Variants in ANK3 observed in about 807,000 individuals in gnomAD.
The protein encoded by ANK3 is ankyrin 3.
A neutral mutation model predicts 370.9 loss-of-function variants in ANK3; 57 were observed. The observed-to-expected ratio is 0.15, with a 90% CI of 0.12 to 0.19. The LOEUF is 0.19. ANK3 is among the 10% of genes least tolerant of loss of function. ANK3 has a pLI of 1.00. For missense variants in ANK3, 4,439 were observed against 5,302.1 expected (o/e 0.84, Z 5.06); for synonymous variants, 1,929 against 1,946.3 (o/e 0.99, Z 0.23).
chr10:60,527,545 T>C (rs1003845169), intron 2 of ANK3, among the ~76,000 whole-genome samples: 34 of 152,158 alleles, frequency 2.2e-4, no homozygotes, highest in Non-Finnish European at 1.5e-5. Flanking sequence ...CAGATTTTTT[T>C]CTGAAAGTAT....
chr10:60,090,217 C>A (rs1239391339), intron 28 of ANK3, among the ~76,000 whole-genome samples: 1 of 151,882 alleles, frequency 6.6e-6, no homozygotes, highest in African/African-American at 2.4e-5. Context: ...ACTTGGGGTG[C>A]TGAGACAGGA....
At chr10:60,057,076 C>G (rs2079330645) in intron 41 of ANK3, among the ~76,000 whole-genome samples, 1 of 152,124 alleles carries the variant, frequency 6.6e-6, no homozygotes. Flanking sequence ...CCCCAAATTC[C>G]AATTCTTTGT....
intron 18 of ANK3, among the ~76,000 whole-genome samples, chr10:60,173,442 A>C (rs1050354680): frequency 3.3e-5 from 5 of 152,194 alleles, no homozygotes; most frequent in African/African-American, 1.2e-4. Flanking sequence ...TGTTCTTAGA[A>C]CTTTTCAAGA....
At chr10:60,501,705 CAAA>C (rs376934079) in intron 2 of ANK3, among the ~76,000 whole-genome samples, 3 of 79,784 alleles carry the variant, frequency 3.8e-5, no homozygotes, top group Admixed American at 1.3e-4. Context: ...GACTCTGTCT[CAAA>C]AAAAAAAAAA....
chr10:60,190,245 C>G (rs1373771321), intron 16 of ANK3, among the ~76,000 whole-genome samples: 1 of 152,152 alleles, frequency 6.6e-6, no homozygotes, highest in East Asian at 1.9e-4. Flanking sequence ...AGGATGTGAT[C>G]TGATGATGAG....
chr10:60,542,079 C>T (rs527493819), intron 2 of ANK3, among the ~76,000 whole-genome samples: 1 of 152,038 alleles, frequency 6.6e-6, no homozygotes, highest in Non-Finnish European at 1.5e-5. Flanking sequence ...CACGTCCCCT[C>T]ATACTAGTGA....
At chr10:60,567,517 A>C (rs955942672) in intron 2 of ANK3, among the ~76,000 whole-genome samples, 6 of 152,184 alleles carry the variant, frequency 3.9e-5, no homozygotes, top group Non-Finnish European at 7.3e-5. Flanking sequence ...TGATCACCCA[A>C]GATCTCTGAT....
chr10:60,546,251 G>T (rs1371251796), intron 2 of ANK3, among the ~76,000 whole-genome samples: 1 of 152,086 alleles, frequency 6.6e-6, no homozygotes, highest in Non-Finnish European at 1.5e-5. Context: ...GCCCAGATTG[G>T]TCTCGAACTC....
At chr10:60,302,843 C>CAA (rs200380186) in intron 1 of ANK3, among the ~76,000 whole-genome samples, 2 of 107,528 alleles carry the variant, frequency 1.9e-5, no homozygotes, top group East Asian at 2.0e-4. Flanking sequence ...AAACAAACAA[C>CAA]AAAAAAAAAA....
At chr10:60,141,110 G>A in intron 23 of ANK3, 1 of 794,932 alleles carries the variant, frequency 1.3e-6, no homozygotes, top group Non-Finnish European at 1.5e-6. Context: ...TTGAGGTTGT[G>A]AAACTGGGGC....
At position 60,075,183 on chromosome 10, in the gene ANK3, C is replaced by G; in HGVS notation, c.5698G>C (p.Glu1900Gln). 1 of 1,614,116 alleles carries G rather than the reference C, an allele frequency of 6.2e-7. No homozygotes were observed. The highest frequency in any genetic ancestry group is 1.1e-5 in the South Asian group (1 of 91,086). ...STPSSLSSSQ[E>Q]ILKDVAEMKE... ...ATTTCAGCTACATCTTTTAGTATCT[C>G]CTGACTGGAAGATAAAGAAGATGGT... The change falls in exon 37 of 44, where the codon GAG (glutamate) becomes CAG (glutamine). Residue 1900 changes from glutamate (E) to glutamine (Q), a missense_variant. This residue lies in a region of ANK3 where 679 missense variants were observed against 791.0 expected (regional missense o/e 0.86). Transcript: ENST00000280772.
intron 2 of ANK3, among the ~76,000 whole-genome samples, chr10:60,495,779 G>A (rs1348857211): frequency 6.6e-6 from 1 of 152,032 alleles, no homozygotes; most frequent in Non-Finnish European, 1.5e-5. Context: ...ATTAAGTGGG[G>A]CAAAGAGAGT....
chr10:60,655,370 TTGA>T (rs1323450539), intron 1 of ANK3, among the ~76,000 whole-genome samples: 1 of 151,984 alleles, frequency 6.6e-6, no homozygotes, highest in Non-Finnish European at 1.5e-5. Context: ...GATGGTAATA[TTGA>T]TGATCCTAAC....
chr10:60,582,657 TATATA>T (rs1348441159), intron 2 of ANK3, among the ~76,000 whole-genome samples: 1 of 148,702 alleles, frequency 6.7e-6, no homozygotes, highest in Non-Finnish European at 1.5e-5. Flanking sequence ...ATATTATTTT[TATATA>T]ATATATTATA....
intron 2 of ANK3, among the ~76,000 whole-genome samples, chr10:60,608,533 T>TC (rs953500340): frequency 2.6e-5 from 4 of 152,124 alleles, no homozygotes; most frequent in Admixed American, 1.3e-4. Flanking sequence ...TCAAAGCTCC[T>TC]CCCCCTGGGA....
intron 1 of ANK3, among the ~76,000 whole-genome samples, chr10:60,289,071 G>A (rs1279168809): frequency 6.6e-6 from 1 of 152,046 alleles, no homozygotes; most frequent in Non-Finnish European, 1.5e-5. Context: ...TGAAAATATG[G>A]TTGTATGTGA....
intron 2 of ANK3, among the ~76,000 whole-genome samples, chr10:60,442,928 C>A (rs1363255589): frequency 2.6e-5 from 4 of 152,102 alleles, no homozygotes; most frequent in Non-Finnish European, 5.9e-5. Flanking sequence ...TAAATCAAAC[C>A]CAAGGATCAA....
intron 42 of ANK3, among the ~76,000 whole-genome samples, chr10:60,054,355 TAAAGAAGGCCTG>T (rs2131907463): frequency 6.6e-6 from 1 of 152,256 alleles, no homozygotes; most frequent in East Asian, 1.9e-4. Flanking sequence ...AGGACGGAGT[TAAAGAAGGCCTG>T]AAAAAGACTT....
At position 60,622,251 on chromosome 10, in the gene ANK3, CT is replaced by C. The variant is rs34337038; in HGVS notation, c.58-7028del. Reference sequence around the variant, plus strand: ...AAACCTACAAAAAATAGGCCTGAGGCTTTTTTTTTTTGAGGTGAAGCCTTGC... The same window carrying C: ...AAACCTACAAAAAATAGGCCTGAGGCTTTTTTTTTTGAGGTGAAGCCTTGC... On this transcript the variant is annotated intron_variant, in intron 1 of 43. Transcript: ENST00000373827. Among the ~76,000 whole-genome samples the C allele has an allele frequency of 6.8e-3, 991 of 146,210 alleles. 9 individuals carry two copies. The highest frequency in any genetic ancestry group is 0.023 in the African/African-American group (897 of 39,692).
Sources: allele counts gnomAD v4.1 joint callset (sites outside exome capture counted in the v4.1 genomes callset), GRCh38; gene constraint gnomAD v4.1.1; regional missense constraint gnomAD v4.1.1; transcripts MANE v1.5; gene names NCBI Gene and HGNC (gene_info 2026-07-23, HGNC 2026-07-21).